SIPA1L3: variants seen among roughly 807,000 people sequenced by gnomAD.
SIPA1L3 encodes the protein signal induced proliferation associated 1 like 3.
Under a neutral mutation model 150.1 loss-of-function variants are expected in SIPA1L3, and 59 were observed. The observed-to-expected ratio is 0.39, with a 90% CI of 0.32 to 0.49. The LOEUF (loss-of-function observed/expected upper bound fraction) is 0.49, where lower values mean the gene tolerates loss of function less well. Among genes scored for constraint, SIPA1L3 ranks in the 20% least tolerant of loss-of-function variants. The pLI is 0.86. For synonymous variants in SIPA1L3, 1,070 were observed against 1,077.6 expected (o/e 0.99, Z 0.14); for missense variants, 2,211 against 2,489.5 (o/e 0.89, Z 2.38).
intron 1 of SIPA1L3, among the ~76,000 whole-genome samples, chr19:37,974,567 G>A (rs1439080867): frequency 6.6e-6 from 1 of 152,062 alleles, no homozygotes; most frequent in Non-Finnish European, 1.5e-5. Context: ...TGAACAGAGA[G>A]TCTGGTTCTA....
At chr19:38,200,351 A>C (rs1973059065) in intron 19 of SIPA1L3, 1 of 152,162 alleles carries the variant, frequency 6.6e-6, no homozygotes, top group Non-Finnish European at 1.5e-5. Context: ...TGTCTTCACT[A>C]AACTCAACAT....
chr19:38,152,128 A>T (rs1971837987), intron 12 of SIPA1L3, among the ~76,000 whole-genome samples: 1 of 152,062 alleles, frequency 6.6e-6, no homozygotes, highest in African/African-American at 2.4e-5. Flanking sequence ...CCACTCCCCA[A>T]CTCTATGAGG....
At chr19:38,088,667 G>C (rs1027263057) in intron 3 of SIPA1L3, 54 bp from the exon 4 acceptor site, 189 of 1,592,856 alleles carry the variant, frequency 1.2e-4, no homozygotes, top group Middle Eastern at 1.9e-4. Flanking sequence ...CTGGGCATCA[G>C]GGCCCCTCCT....
chr19:38,057,156 A>G (rs898429906), intron 2 of SIPA1L3, among the ~76,000 whole-genome samples: 1 of 152,134 alleles, frequency 6.6e-6, no homozygotes, highest in African/African-American at 2.4e-5. Flanking sequence ...CTGTAATCCC[A>G]GCTACTCAGG....
intron 19 of SIPA1L3, among the ~76,000 whole-genome samples, chr19:38,201,549 C>T (rs1032083023): frequency 1.3e-5 from 2 of 152,178 alleles, no homozygotes; most frequent in African/African-American, 2.4e-5. Flanking sequence ...GTTGAGAGCA[C>T]GCCAGGTTCG....
intron 4 of SIPA1L3, among the ~76,000 whole-genome samples, chr19:38,095,793 C>T (rs1970365827): frequency 6.6e-6 from 1 of 152,098 alleles, no homozygotes; most frequent in Admixed American, 6.6e-5. Context: ...GTAGTGCGCG[C>T]CGATGAGGTG....
intron 1 of SIPA1L3, among the ~76,000 whole-genome samples, chr19:37,979,890 G>A (rs1325720430): frequency 1.3e-5 from 2 of 152,232 alleles, no homozygotes; most frequent in African/African-American, 2.4e-5. Context: ...TTCGGCTGGC[G>A]GTGGGTCTGT....
At chr19:37,960,914 G>A (rs1234719379) in intron 1 of SIPA1L3, among the ~76,000 whole-genome samples, 1 of 151,744 alleles carries the variant, frequency 6.6e-6, no homozygotes, top group African/African-American at 2.4e-5. Context: ...TGTCACCCAG[G>A]CTGGAGTGCA....
At chr19:37,960,951 C>T (rs1367233676) in intron 1 of SIPA1L3, among the ~76,000 whole-genome samples, 1 of 152,050 alleles carries the variant, frequency 6.6e-6, no homozygotes, top group Non-Finnish European at 1.5e-5. Flanking sequence ...TCACTGCAGC[C>T]TCCACCTCCT....
chr19:37,997,089 G>A (rs77438338), intron 1 of SIPA1L3, among the ~76,000 whole-genome samples: 4,292 of 152,262 alleles, frequency 0.028, 76 homozygotes, highest in Non-Finnish European at 0.046. Flanking sequence ...GGTGGGGGAA[G>A]ATGAGGTAGA....
chr19:38,191,794 G>A (rs1382179170), intron 16 of SIPA1L3, among the ~76,000 whole-genome samples: 2 of 152,134 alleles, frequency 1.3e-5, no homozygotes, highest in Non-Finnish European at 2.9e-5. Context: ...CTGGGTGACA[G>A]GGCAAGACTC....
chr19:38,183,680 A>C (rs2146026699), intron 16 of SIPA1L3, among the ~76,000 whole-genome samples: 1 of 152,270 alleles, frequency 6.6e-6, no homozygotes, highest in South Asian at 2.1e-4. Flanking sequence ...ATCAGCCTAG[A>C]GCTGCGAGGC....
At position 37,937,142 on chromosome 19, in the gene SIPA1L3, C is replaced by T. The variant is rs543153956; in HGVS notation, c.-379+29784C>T. 7.2e-5 allele frequency among the ~76,000 whole-genome samples: 11 copies of T among 152,220 alleles called. No individual in the cohort carries two copies. In the South Asian group the frequency reaches 1.7e-3, roughly 23 times the overall value. ...CTTCCCAAAGCATTGGCATTACAGG[C>T]GTGAGCCACCATACCTGGCCTGTAT... On this transcript the variant is annotated intron_variant, in intron 1 of 21. Transcript: ENST00000222345.
intron 15 of SIPA1L3, among the ~76,000 whole-genome samples, chr19:38,167,231 CAAAAAA>C (rs370193698): frequency 1.1e-5 from 1 of 87,500 alleles, no homozygotes. Flanking sequence ...GATTCCATCT[CAAAAAA>C]AAAAAAAAAA....
At chr19:38,131,464 T>A (rs1971304546) in intron 10 of SIPA1L3, among the ~76,000 whole-genome samples, 1 of 152,084 alleles carries the variant, frequency 6.6e-6, no homozygotes. Context: ...GAGGCCCATG[T>A]GGCTGGAGCA....
intron 1 of SIPA1L3, among the ~76,000 whole-genome samples, chr19:37,973,654 A>G (rs865786238): frequency 6.7e-6 from 1 of 149,660 alleles, no homozygotes; most frequent in Non-Finnish European, 1.5e-5. Context: ...GGAGTAGCGT[A>G]TGCCTGTCCC....
chr19:38,014,499 C>T (rs1043375956), intron 1 of SIPA1L3, among the ~76,000 whole-genome samples: 3 of 150,890 alleles, frequency 2.0e-5, no homozygotes, highest in Admixed American at 2.0e-4. Flanking sequence ...CCACCCCAAG[C>T]TCAGCACACA....
chr19:38,089,768 G>A (rs557999669), intron 4 of SIPA1L3, among the ~76,000 whole-genome samples: 2 of 152,356 alleles, frequency 1.3e-5, no homozygotes, highest in South Asian at 4.1e-4. Flanking sequence ...AATTGTAAGT[G>A]ACAGAAATCT....
At chr19:38,180,532 C>CTTTTTTTT (rs1972531717) in intron 15 of SIPA1L3, among the ~76,000 whole-genome samples, 1 of 113,184 alleles carries the variant, frequency 8.8e-6, no homozygotes, top group Non-Finnish European at 1.7e-5. Context: ...TTCTTTTTTT[C>CTTTTTTTT]TTTTCTTTTT....
Sources: gnomAD v4.1 joint callset for allele counts (sites outside exome capture counted in the v4.1 genomes callset) on GRCh38, gnomAD v4.1.1 for gene constraint, MANE v1.5 for transcripts, NCBI Gene and HGNC (gene_info 2026-07-23, HGNC 2026-07-21) for gene names.